Variants in SGSM3 observed in about 807,000 individuals in gnomAD.
The protein encoded by SGSM3 is RUN and SH3 containing 3.
Under a neutral mutation model 100.5 loss-of-function variants are expected in SGSM3, and 96 were observed. The ratio of observed to expected loss-of-function variants is 0.96; its 90% confidence interval spans 0.81 to 1.13. The LOEUF is 1.13. Ranked by LOEUF, SGSM3 falls within the 50% of genes most tolerant of loss-of-function variation. The pLI, the probability that SGSM3 is intolerant of heterozygous loss-of-function variation, is 0.00. For missense variants in SGSM3, 1,001 were observed against 1,015.8 expected (o/e 0.99, Z 0.20); for synonymous variants, 483 against 422.8 (o/e 1.14, Z -1.75).
chr22:40,375,649 T>C (rs2046421207), intron 1 of SGSM3, among the ~76,000 whole-genome samples: 1 of 149,060 alleles, frequency 6.7e-6, no homozygotes, highest in African/African-American at 2.4e-5. Flanking sequence ...GGGTATAATT[T>C]CCAATTAAGA....
intron 1 of SGSM3, among the ~76,000 whole-genome samples, chr22:40,392,478 T>G (rs896643222): frequency 3.3e-5 from 5 of 152,128 alleles, no homozygotes; most frequent in Non-Finnish European, 7.3e-5. Flanking sequence ...CTTTCCTTGG[T>G]TTTGTATAAG....
At position 40,409,020 on chromosome 22, in the gene SGSM3, TGA is replaced by T; in HGVS notation, c.1988+4_1988+5del. On this transcript the variant is annotated splice_donor_region_variant and intron_variant, in intron 19 of 21. Coordinates refer to ENST00000248929, the MANE Select transcript of SGSM3 (RefSeq NM_015705.6). ...CTCACTGATCTGCGTGGGGCTCAAGTGAGTGTGGAAAAGGGGTTGGAGGAGAG... is the reference window on the plus strand; with the variant it reads ...CTCACTGATCTGCGTGGGGCTCAAGTGTGTGGAAAAGGGGTTGGAGGAGAG... 6.4e-7 allele frequency: 1 copy of T among 1,560,934 alleles called. No homozygotes were observed. The highest frequency in any genetic ancestry group is 1.2e-5 in the South Asian group (1 of 85,774).
At position 40,409,759 on chromosome 22, in the gene SGSM3, A is replaced by AC. The variant is rs770787597; in HGVS notation, c.*5dup. 8.7e-6 allele frequency: 14 copies of AC among 1,602,642 alleles called. No homozygotes were observed. The highest frequency in any genetic ancestry group is 1.7e-4 in the Middle Eastern group (1 of 5,922). ...TCTTCAGCTGGGATGTGGACGGGTG[A>AC]CCCCCTCCTCCCCAGCCCAACCTCG... is the stretch of plus-strand genomic sequence containing the variant. On this transcript the variant is annotated 3_prime_UTR_variant, in exon 22 of 22. Transcript: ENST00000248929.
intron 1 of SGSM3, among the ~76,000 whole-genome samples, chr22:40,398,826 G>T (rs973279584): frequency 7.1e-6 from 1 of 140,702 alleles, no homozygotes; most frequent in Non-Finnish European, 1.5e-5. Context: ...ATCAGCTCAC[G>T]TAATCCTCAT....
chr22:40,389,798 G>A (rs1450925707), intron 1 of SGSM3, among the ~76,000 whole-genome samples: 2 of 151,060 alleles, frequency 1.3e-5, no homozygotes, highest in African/African-American at 4.9e-5. Flanking sequence ...CAGCTACTCG[G>A]GAGGCTGAGG....
At chr22:40,376,945 A>C (rs1190049238) in intron 1 of SGSM3, among the ~76,000 whole-genome samples, 1 of 152,240 alleles carries the variant, frequency 6.6e-6, no homozygotes, top group African/African-American at 2.4e-5. Context: ...TCATAGGAAT[A>C]ACCAAATATG....
intron 1 of SGSM3, among the ~76,000 whole-genome samples, chr22:40,374,621 G>T (rs114099302): frequency 5.9e-5 from 9 of 152,152 alleles, no homozygotes; most frequent in Non-Finnish European, 1.0e-4. Context: ...GGCGGCTCAC[G>T]CCTGTAATCC....
At chr22:40,391,124 T>G (rs931065439) in intron 1 of SGSM3, among the ~76,000 whole-genome samples, 1 of 152,238 alleles carries the variant, frequency 6.6e-6, no homozygotes, top group Non-Finnish European at 1.5e-5. Flanking sequence ...GAAAGAATAA[T>G]GGTCAAAGAG....
In SGSM3 at chr22:40,409,375, G is replaced by A. The variant is rs780124540; in HGVS notation, c.2111+3G>A. 10 of 1,598,394 alleles carry A rather than the reference G, an allele frequency of 6.3e-6. No individual in the cohort carries two copies. Among genetic ancestry groups the A allele is most frequent in the Non-Finnish European group, 8.5e-6 (10 of 1,171,756 alleles). ...GTCCAGATCAAGTGTGAGCTCCGGT[G>A]AGGACCTTACTGGGCTTGGGGGATG... On this transcript the variant is annotated splice_donor_region_variant and intron_variant, in intron 20 of 21. Transcript: ENST00000248929.
chr22:40,406,745 C>T (rs528637032), intron 10 of SGSM3, 83 bp downstream of exon 10: 503 of 1,219,014 alleles, frequency 4.1e-4, no homozygotes, highest in Non-Finnish European at 5.3e-4. Context: ...GCGGGGGCTG[C>T]GGAAAACAAA....
chr22:40,379,105 T>C (rs1275039677), intron 1 of SGSM3, among the ~76,000 whole-genome samples: 2 of 152,220 alleles, frequency 1.3e-5, no homozygotes, highest in African/African-American at 4.8e-5. Flanking sequence ...TCATCTGACA[T>C]ACAGTGTGGT....
chr22:40,399,891 T>C (rs753399813), intron 1 of SGSM3, among the ~76,000 whole-genome samples: 20 of 152,220 alleles, frequency 1.3e-4, no homozygotes, highest in Non-Finnish European at 2.4e-4. Context: ...GCCTTTATCC[T>C]AAACTTGGCT....
At chr22:40,391,475 G>A (rs1489274405) in intron 1 of SGSM3, among the ~76,000 whole-genome samples, 1 of 152,184 alleles carries the variant, frequency 6.6e-6, no homozygotes, top group South Asian at 2.1e-4. Context: ...GCCTGGTGTG[G>A]TGGTGCACAC....
chr22:40,405,799 CAGT>C lies in SGSM3; in HGVS notation c.771_773del (p.Gln257_Tyr258delinsHis). 6.2e-7 allele frequency: 1 copy of C among 1,613,438 alleles called. No homozygotes were observed. Among genetic ancestry groups the C allele is most frequent in the Non-Finnish European group, 8.5e-7 (1 of 1,179,878 alleles). ...GCGGGTCCTGCGCCACCTCATTGTC[CAGT>C]ACCTGCCTCGCCTGGACAAGCTGCT... On this transcript the variant is annotated inframe_deletion, in exon 8 of 22. Transcript: ENST00000248929.
chr22:40,374,648 C>A (rs2046249566), intron 1 of SGSM3, among the ~76,000 whole-genome samples: 1 of 152,176 alleles, frequency 6.6e-6, no homozygotes, highest in African/African-American at 2.4e-5. Context: ...TTTGGGAGGC[C>A]AAGGTAGAGG....
At chr22:40,406,367 T>A in intron 9 of SGSM3, 71 bp from the exon 10 acceptor site, 1 of 1,493,948 alleles carries the variant, frequency 6.7e-7, no homozygotes, top group Non-Finnish European at 9.0e-7. Flanking sequence ...AGGATGGGGG[T>A]TGGGGTCAGC....
intron 1 of SGSM3, among the ~76,000 whole-genome samples, chr22:40,394,063 T>A (rs1418822479): frequency 6.6e-6 from 1 of 152,230 alleles, no homozygotes; most frequent in African/African-American, 2.4e-5. Flanking sequence ...CTTCTAAATG[T>A]TGGAGTGTTT....
intron 1 of SGSM3, among the ~76,000 whole-genome samples, chr22:40,397,490 C>A (rs1319792739): frequency 1.3e-5 from 2 of 152,218 alleles, no homozygotes; most frequent in African/African-American, 2.4e-5. Context: ...TTCACCCTGA[C>A]TAATCCAACA....
At chr22:40,385,262 T>C (rs1250892143) in intron 1 of SGSM3, among the ~76,000 whole-genome samples, 1 of 152,168 alleles carries the variant, frequency 6.6e-6, no homozygotes, top group African/African-American at 2.4e-5. Flanking sequence ...GTGAGTTGAT[T>C]GATGAAGCAT....
Sources: gnomAD v4.1 joint callset for allele counts (sites outside exome capture counted in the v4.1 genomes callset) on GRCh38, gnomAD v4.1.1 for gene constraint, MANE v1.5 for transcripts, NCBI Gene and HGNC (gene_info 2026-07-23, HGNC 2026-07-21) for gene names.